CPAMD8: variants seen among roughly 807,000 people sequenced by gnomAD.
CPAMD8 encodes the protein C3 and PZP-like alpha-2-macroglobulin domain-containing protein 8.
A neutral mutation model predicts 224.7 loss-of-function variants in CPAMD8; 146 were observed. The observed-to-expected ratio is 0.65, with a 90% CI of 0.57 to 0.75. The LOEUF (loss-of-function observed/expected upper bound fraction) is 0.75, where lower values mean the gene tolerates loss of function less well. Among genes scored for constraint, CPAMD8 ranks in the 30% least tolerant of loss-of-function variants. The pLI, the probability that CPAMD8 is intolerant of heterozygous loss-of-function variation, is 0.00. For missense variants in CPAMD8, 2,301 were observed against 2,537.5 expected (o/e 0.91, Z 2.00); for synonymous variants, 966 against 1,044.6 (o/e 0.92, Z 1.45).
chr19:16,995,867 T>G lies in CPAMD8; in HGVS notation c.1095+1244A>C, dbSNP rs376835365. ...CCATCTCTACAAAAAATTAAAAAAT[T>G]GACTAGGTGCGGTGGCTCCTGTTTG... On this transcript the variant is annotated intron_variant, in intron 11 of 41. Coordinates refer to ENST00000443236, the MANE Select transcript of CPAMD8 (RefSeq NM_015692.5). Among the ~76,000 whole-genome samples, 8 of 152,060 alleles carry G rather than the reference T, an allele frequency of 5.3e-5. No homozygotes were observed. The East Asian group carries it at 1.2e-3, about 22-fold the overall frequency.
Position 16,993,572 on chromosome 19 carries a change from G to T in CPAMD8, c.1110C>A (p.Tyr370Ter). 1.2e-6 allele frequency: 2 copies of T among 1,614,140 alleles called. No individual in the cohort carries two copies. The highest frequency in any genetic ancestry group is 1.7e-6 in the Non-Finnish European group (2 of 1,180,016). The stretch of plus-strand genomic sequence containing the variant: ...CCCCCTCAGCTGGGCTGCCATCGGG[G>T]TAGGATAGCTCCACCTAGAAAAGGT... Reference protein sequence around the residue: ...LAYVGKVELSYPDGSPAEGVT... With the variant: ...LAYVGKVELS Residue 370 changes from tyrosine to a stop codon, truncating the protein, a stop_gained, in exon 12 of 42, where the codon TAC (tyrosine) becomes TAA (stop). Coordinates refer to ENST00000443236, the MANE Select transcript of CPAMD8 (RefSeq NM_015692.5). LOFTEE classifies it high-confidence loss of function.
intron 19 of CPAMD8, among the ~76,000 whole-genome samples, chr19:16,957,009 C>T (rs1400853035): frequency 6.6e-6 from 1 of 152,158 alleles, no homozygotes; most frequent in Non-Finnish European, 1.5e-5. Flanking sequence ...ATAAAAAAAG[C>T]TCACCAGACA....
intron 13 of CPAMD8, among the ~76,000 whole-genome samples, chr19:16,984,813 C>A (rs1180667914): frequency 6.6e-6 from 1 of 152,162 alleles, no homozygotes; most frequent in Non-Finnish European, 1.5e-5. Context: ...AGTTCAAGAC[C>A]AGCCTGGGCA....
rs1195905528 is a variant in CPAMD8, at chr19:16,957,744, C to T, written c.2276+109G>A. On this transcript the variant is annotated intron_variant, in intron 19 of 41. Transcript: ENST00000443236. ...TTAGAAAAAGATGCACAGTGTCTTGCTCAGATGTTGGTATCAGGCCTGCCC... is the reference window on the plus strand; with the variant it reads ...TTAGAAAAAGATGCACAGTGTCTTGTTCAGATGTTGGTATCAGGCCTGCCC... 23 of 982,854 alleles carry T rather than the reference C, an allele frequency of 2.3e-5. No homozygotes were observed. The Admixed American group carries it at 3.0e-4, about 13-fold the overall frequency. 60.9% of individuals were successfully genotyped at this position (982,854 alleles called of 1,614,324 possible). A position where few individuals can be genotyped will look rare whatever the true frequency, so the allele number is the denominator to read the frequency against.
In CPAMD8 at chr19:16,907,107, C is replaced by G; in HGVS notation, c.3872G>C (p.Gly1291Ala). Residue 1291 changes from glycine to alanine, a missense_variant, in exon 30 of 42, where the codon GGC becomes GCC. Coordinates refer to ENST00000443236, the MANE Select transcript of CPAMD8 (RefSeq NM_015692.5). ...GAAGTGCCTCGCTTTGTCAGTGGAG[C>G]CTCTCTCCTCCTGCAGGGTGGGGTG... ...ETGTASEEER[G>A]STDKARHFLE... 6.4e-7 allele frequency: 1 copy of G among 1,560,024 alleles called. No individual in the cohort carries two copies. Among genetic ancestry groups the G allele is most frequent in the African/African-American group, 1.4e-5 (1 of 73,778 alleles).
intron 27 of CPAMD8, among the ~76,000 whole-genome samples, chr19:16,917,345 C>G (rs1323941966): frequency 6.6e-6 from 1 of 152,190 alleles, no homozygotes; most frequent in Non-Finnish European, 1.5e-5. Context: ...ATACAGCACA[C>G]TAATACAAGA....
chr19:16,898,485 C>T lies in CPAMD8; in HGVS notation c.4849-491G>A, dbSNP rs2052121831. 6.6e-6 allele frequency among the ~76,000 whole-genome samples: 1 copy of T among 152,106 alleles called. No homozygotes were observed. Among genetic ancestry groups the T allele is most frequent in the African/African-American group, 2.4e-5 (1 of 41,420 alleles). On this transcript the variant is annotated intron_variant, in intron 37 of 41. Transcript: ENST00000443236. The surrounding 1 kb of genome is among the most constrained non-coding windows in gnomAD (Gnocchi z 4.2). The stretch of plus-strand genomic sequence containing the variant: ...CACCACTCCTTTTTGTGTGTGTGCA[C>T]GCATGGCTGAGCATGTGTGGGTGGG...
chr19:17,007,260 G>A (rs966058210), intron 7 of CPAMD8, among the ~76,000 whole-genome samples: 2 of 152,012 alleles, frequency 1.3e-5, no homozygotes, highest in African/African-American at 4.8e-5. Flanking sequence ...CTTGAACCCG[G>A]GAGGCGGAGG....
chr19:17,020,858 C>T (rs1217586606), intron 2 of CPAMD8, among the ~76,000 whole-genome samples: 1 of 152,220 alleles, frequency 6.6e-6, no homozygotes, highest in African/African-American at 2.4e-5. Context: ...TCCCAGCAAC[C>T]ATTATCCCAT....
intron 21 of CPAMD8, among the ~76,000 whole-genome samples, chr19:16,946,639 C>T (rs571212982): frequency 2.1e-5 from 3 of 142,972 alleles, no homozygotes; most frequent in East Asian, 4.2e-4. Context: ...CATGTCTACA[C>T]ATGGGGACAT....
chr19:16,917,332 C>T (rs569745502), intron 27 of CPAMD8, among the ~76,000 whole-genome samples: 10 of 152,280 alleles, frequency 6.6e-5, no homozygotes, highest in Admixed American at 3.3e-4. Flanking sequence ...TCAATTGTAA[C>T]AAATACAGCA....
At chr19:16,987,906 C>T (rs2055803437) in intron 13 of CPAMD8, among the ~76,000 whole-genome samples, 1 of 152,098 alleles carries the variant, frequency 6.6e-6, no homozygotes, top group Admixed American at 6.6e-5. Flanking sequence ...TCAAGCAATC[C>T]TCCCGCCTCA....
rs1203001406 is a variant in CPAMD8, at chr19:16,897,891, G to C, written c.4952C>G (p.Pro1651Arg). ...GGGGTGCGGGCGCGCGGGCCTACCG[G>C]GTTCGTAGTAGTCGTACACGGAGAC... Reference protein sequence around the residue: ...LPVSVYDYYEPAFEATRFYNV... With the variant: ...LPVSVYDYYERAFEATRFYNV... The change falls in exon 38 of 42, where the codon CCC (proline) becomes CGC (arginine). Residue 1651 changes from proline (P) to arginine (R), a missense_variant and splice_region_variant. Pro to Arg is a moderately radical substitution (Grantham distance 103, BLOSUM62 -2). This residue lies in a region of CPAMD8 where 1,709 missense variants were observed against 1,753.2 expected (regional missense o/e 0.97). Transcript: ENST00000443236. 6.2e-7 allele frequency: 1 copy of C among 1,608,590 alleles called. No homozygotes were observed. The highest frequency in any genetic ancestry group is 1.7e-5 in the Admixed American group (1 of 59,566).
intron 19 of CPAMD8, 52 bp downstream of exon 19, chr19:16,957,801 G>A (rs1045776645): frequency 6.3e-7 from 1 of 1,577,486 alleles, no homozygotes; most frequent in African/African-American, 1.3e-5. Context: ...ACCCGCATGA[G>A]TGTCTTTCAC....
chr19:17,026,534 C>T lies in CPAMD8; in HGVS notation c.92+17G>A. 1.3e-6 allele frequency: 2 copies of T among 1,489,722 alleles called. No homozygotes were observed. Among genetic ancestry groups the T allele is most frequent in the East Asian group, 5.7e-5 (2 of 35,286 alleles). 92.3% of individuals were successfully genotyped at this position (1,489,722 alleles called of 1,614,324 possible). On this transcript the variant is annotated intron_variant, in intron 1 of 41. Coordinates refer to ENST00000443236, the MANE Select transcript of CPAMD8 (RefSeq NM_015692.5). ...CCAGAAGGCGACCGACCTCCTCTGT[C>T]GCCGGAGGATACTCACGGGGCCTGA...
intron 18 of CPAMD8, among the ~76,000 whole-genome samples, chr19:16,967,909 G>A (rs1390527015): frequency 6.8e-6 from 1 of 146,786 alleles, no homozygotes; most frequent in African/African-American, 2.6e-5. Flanking sequence ...GTATATATGT[G>A]CATATATACA....
chr19:16,985,935 T>G (rs147125769), intron 13 of CPAMD8, among the ~76,000 whole-genome samples: 1 of 152,084 alleles, frequency 6.6e-6, no homozygotes, highest in African/African-American at 2.4e-5. Context: ...TATATTAACA[T>G]TTTTCAATTT....
In CPAMD8 at chr19:16,896,185, G is replaced by A. The variant is rs1335560696; in HGVS notation, c.5417C>T (p.Ala1806Val). The A allele has an allele frequency of 1.9e-6, 3 of 1,613,712 alleles. No individual in the cohort carries two copies. The highest frequency in any genetic ancestry group is 1.7e-5 in the Admixed American group (1 of 60,016). ...TGGGCCCAGCTGTTACCTGTCCTCCGCCTCCCCTTCAGGCTCAGGGTCTGA... is the reference window on the plus strand; with the variant it reads ...TGGGCCCAGCTGTTACCTGTCCTCCACCTCCCCTTCAGGCTCAGGGTCTGA... Reference protein sequence around the residue: ...EDSDPEPEGEAEDRVTAGPRP... With the variant: ...EDSDPEPEGEVEDRVTAGPRP... The change falls in exon 41 of 42, where the codon GCG (alanine) becomes GTG (valine). Residue 1806 changes from alanine to valine, a missense_variant. By Grantham distance (64) the Ala-to-Val change is moderately conservative. Coordinates refer to ENST00000443236, the MANE Select transcript of CPAMD8 (RefSeq NM_015692.5).
chr19:16,926,215 G>A (rs563880617), intron 25 of CPAMD8, among the ~76,000 whole-genome samples: 3 of 151,996 alleles, frequency 2.0e-5, no homozygotes, highest in Admixed American at 6.5e-5. Flanking sequence ...TTGACATTCC[G>A]TATTCCTCTT....
Sources: gnomAD v4.1 joint callset for allele counts (sites outside exome capture counted in the v4.1 genomes callset) on GRCh38, gnomAD v4.1.1 for gene constraint, gnomAD v4.1.1 regional missense constraint, Gnocchi (gnomAD v3.1) non-coding constraint, MANE v1.5 for transcripts, NCBI Gene and HGNC (gene_info 2026-07-23, HGNC 2026-07-21) for gene names.